Variants in OLA1 observed in about 807,000 individuals in gnomAD.
OLA1 encodes obg-like ATPase 1.
Under a neutral mutation model 48.4 loss-of-function variants are expected in OLA1, and 14 were observed. The ratio of observed to expected loss-of-function variants is 0.29; its 90% CI spans 0.19 to 0.45. The LOEUF (loss-of-function observed/expected upper bound fraction) is 0.45, where lower values mean the gene tolerates loss of function less well. OLA1 is among the 20% of genes least tolerant of loss of function. The probability of loss-of-function intolerance (pLI) is 1.00; values close to 1 mark genes in which losing one functional copy is unlikely to be tolerated. For missense variants in OLA1, 325 were observed against 467.1 expected (o/e 0.70, Z 2.80); for synonymous variants, 127 against 150.4 (o/e 0.84, Z 1.14).
At chr2:174,130,443 T>G (rs1686155512) in intron 5 of OLA1, among the ~76,000 whole-genome samples, 1 of 152,220 alleles carries the variant, frequency 6.6e-6, no homozygotes, top group African/African-American at 2.4e-5. Flanking sequence ...ATTGTAGGCT[T>G]TCAGTTATAT....
intron 2 of OLA1, among the ~76,000 whole-genome samples, chr2:174,242,565 A>T (rs1477521533): frequency 6.6e-6 from 1 of 152,164 alleles, no homozygotes; most frequent in Non-Finnish European, 1.5e-5. Context: ...TGAAAGGAGC[A>T]TGGGTTCCTG....
At chr2:174,106,338 C>T (rs915047885) in intron 7 of OLA1, among the ~76,000 whole-genome samples, 2 of 151,974 alleles carry the variant, frequency 1.3e-5, no homozygotes, top group East Asian at 3.8e-4. Flanking sequence ...TATGAAACTA[C>T]GATCATTGCA....
At chr2:174,235,863 T>C (rs1161372567) in intron 2 of OLA1, among the ~76,000 whole-genome samples, 1 of 152,132 alleles carries the variant, frequency 6.6e-6, no homozygotes, top group Non-Finnish European at 1.5e-5. Context: ...TGAACAGTTC[T>C]CAGGGCTCAC....
chr2:174,084,568 T>C (rs930392393), intron 7 of OLA1, among the ~76,000 whole-genome samples: 1 of 152,196 alleles, frequency 6.6e-6, no homozygotes, highest in African/African-American at 2.4e-5. Context: ...GACTGAAATA[T>C]ATGTGGTGTA....
At chr2:174,181,278 G>A (rs982104707) in intron 4 of OLA1, among the ~76,000 whole-genome samples, 2 of 152,178 alleles carry the variant, frequency 1.3e-5, no homozygotes, top group Non-Finnish European at 2.9e-5. Context: ...TTTTTAAAAG[G>A]AATCGAATGT....
chr2:174,095,344 TTTTTTG>T (rs1193811386), intron 7 of OLA1, among the ~76,000 whole-genome samples: 15 of 125,390 alleles, frequency 1.2e-4, no homozygotes, highest in South Asian at 5.0e-4. Flanking sequence ...TTTTTTTTTT[TTTTTTG>T]TTGTTGTTGT....
chr2:174,234,148 A>G (rs1284140997), intron 2 of OLA1, among the ~76,000 whole-genome samples: 1 of 152,100 alleles, frequency 6.6e-6, no homozygotes, highest in Non-Finnish European at 1.5e-5. Context: ...CCCACTCAAC[A>G]TGAAGACAAC....
intron 7 of OLA1, among the ~76,000 whole-genome samples, chr2:174,095,460 C>T (rs1162171450): frequency 2.0e-5 from 3 of 149,630 alleles, no homozygotes; most frequent in Admixed American, 6.8e-5. Flanking sequence ...TCTTTTCATG[C>T]TTGTTGGCCA....
At chr2:174,145,098 T>C (rs186429025) in intron 4 of OLA1, among the ~76,000 whole-genome samples, 1 of 150,260 alleles carries the variant, frequency 6.7e-6, no homozygotes, top group East Asian at 1.9e-4. Context: ...AGGATGCTTC[T>C]ACCTCTCAGA....
chr2:174,077,297 T>G (rs955857477), intron 10 of OLA1, among the ~76,000 whole-genome samples: 7 of 152,102 alleles, frequency 4.6e-5, no homozygotes, highest in Non-Finnish European at 8.8e-5. Context: ...AAATTAGTTA[T>G]GCTGCACTGG....
At chr2:174,215,557 A>G (rs1362745052) in intron 4 of OLA1, among the ~76,000 whole-genome samples, 8 of 152,188 alleles carry the variant, frequency 5.3e-5, no homozygotes, top group African/African-American at 9.6e-5. Flanking sequence ...AAATATGGAA[A>G]AAAATAAGAA....
In OLA1 at chr2:174,141,960, A is replaced by G; in HGVS notation, c.414T>C (p.Ser138=). The G allele has an allele frequency of 6.2e-7, 1 of 1,613,442 alleles. No homozygotes were observed. ...EDDDITHVEG[S]VDPIRDIEII... is the part of the protein sequence containing the mutation. ...TTTCTATATCTCGAATAGGATCTAC[A>G]CTTCCTTCAACGTGCGTGATATCAT... The change falls in exon 5 of 11, where the codon AGT becomes AGC. Residue 138 remains serine, a synonymous_variant. Transcript: ENST00000284719.
chr2:174,178,834 A>C (rs1213046082), intron 4 of OLA1, among the ~76,000 whole-genome samples: 1 of 151,920 alleles, frequency 6.6e-6, no homozygotes, highest in East Asian at 1.9e-4. Flanking sequence ...TTTGCAAAGA[A>C]ATAAGCAATT....
intron 4 of OLA1, among the ~76,000 whole-genome samples, chr2:174,143,827 G>C (rs1686515877): frequency 6.7e-6 from 1 of 149,814 alleles, no homozygotes; most frequent in Non-Finnish European, 1.5e-5. Flanking sequence ...TTTTAGGTTG[G>C]GTGTGGTGGC....
At chr2:174,176,640 G>A (rs1315963998) in intron 4 of OLA1, among the ~76,000 whole-genome samples, 1 of 152,012 alleles carries the variant, frequency 6.6e-6, no homozygotes, top group Non-Finnish European at 1.5e-5. Context: ...ATGCAAGAAG[G>A]CTCTTGAAAT....
Position 174,138,520 on chromosome 2 carries a change from A to G in OLA1, c.549+3305T>C, listed in dbSNP as rs147136652. Among the ~76,000 whole-genome samples, 3 of 152,342 alleles carry G rather than the reference A, an allele frequency of 2.0e-5. No individual in the cohort carries two copies. The East Asian group carries it at 5.8e-4, about 29-fold the overall frequency. On this transcript the variant is annotated intron_variant, in intron 5 of 10. Coordinates refer to ENST00000284719, the MANE Select transcript of OLA1 (RefSeq NM_013341.5). Reference sequence around the variant, plus strand: ...TACAATAATAACAAAAAGGTTTGAAACCTTGTAAGAATTACCAAAATGTGA... The same window carrying G: ...TACAATAATAACAAAAAGGTTTGAAGCCTTGTAAGAATTACCAAAATGTGA...
At chr2:174,155,972 T>C (rs2105392222) in intron 4 of OLA1, among the ~76,000 whole-genome samples, 1 of 152,268 alleles carries the variant, frequency 6.6e-6, no homozygotes, top group Middle Eastern at 3.4e-3. Context: ...ACTGATTAGT[T>C]GTTGGATGAA....
In OLA1 at chr2:174,097,152, T is replaced by C. The variant is rs564192661; in HGVS notation, c.729-15088A>G. ...GCCTGGGCGAAAGAGCAAAACTCCGTCTCAAAATAAATAAATTAATTTTAA... is the reference window on the plus strand; with the variant it reads ...GCCTGGGCGAAAGAGCAAAACTCCGCCTCAAAATAAATAAATTAATTTTAA... On this transcript the variant is annotated intron_variant, in intron 7 of 10. Coordinates refer to ENST00000284719, the MANE Select transcript of OLA1 (RefSeq NM_013341.5). Among the ~76,000 whole-genome samples the C allele has an allele frequency of 2.3e-4, 35 of 152,234 alleles. 1 individual carries two copies. The South Asian group carries it at 7.3e-3, about 32-fold the overall frequency.
At chr2:174,246,216 C>G (rs1370855846) in intron 2 of OLA1, among the ~76,000 whole-genome samples, 1 of 151,576 alleles carries the variant, frequency 6.6e-6, no homozygotes, top group African/African-American at 2.4e-5. Context: ...AGGAGAATCA[C>G]TTGAACCCGG....
Sources: allele counts gnomAD v4.1 joint callset (sites outside exome capture counted in the v4.1 genomes callset), GRCh38; gene constraint gnomAD v4.1.1; transcripts MANE v1.5; gene names NCBI Gene and HGNC (gene_info 2026-07-23, HGNC 2026-07-21).